The following ROCK1 variants were observed in gnomAD, a reference collection of about 807,000 sequenced individuals.
ROCK1 encodes rho-associated protein kinase 1.
ROCK1 carries 36 observed loss-of-function variants against 196.8 expected under a neutral mutation model. The ratio of observed to expected loss-of-function variants is 0.18; its 90% CI spans 0.14 to 0.24. The LOEUF (loss-of-function observed/expected upper bound fraction) is 0.24. Ranked by LOEUF, ROCK1 falls within the 10% of genes least tolerant of loss-of-function variation. The pLI, the probability that ROCK1 is intolerant of heterozygous loss-of-function variation, is 1.00. For missense variants in ROCK1, 920 were observed against 1,562.0 expected (o/e 0.59, Z 6.93); for synonymous variants, 443 against 515.9 (o/e 0.86, Z 1.91).
At chr18:20,966,777 G>C (rs2035377646) in intron 27 of ROCK1, 140 bp downstream of exon 27, 1 of 654,700 alleles carries the variant, frequency 1.5e-6, no homozygotes, top group Non-Finnish European at 2.6e-6. Flanking sequence ...ATCATCATCA[G>C]GCCTTGGCTA....
intron 9 of ROCK1, among the ~76,000 whole-genome samples, chr18:21,031,622 AAAAG>A (rs1189493150): frequency 5.3e-5 from 8 of 150,292 alleles, no homozygotes; most frequent in African/African-American, 1.5e-4. Context: ...AAAAAAAAAA[AAAAG>A]AAAATAATAT....
At chr18:21,006,227 T>C (rs2035767477) in intron 16 of ROCK1, 124 bp downstream of exon 16, 3 of 726,316 alleles carry the variant, frequency 4.1e-6, no homozygotes, top group African/African-American at 3.6e-5. Context: ...TCCACTTATA[T>C]GATGATGGTT....
intron 1 of ROCK1, among the ~76,000 whole-genome samples, chr18:21,072,184 A>G (rs1307442828): frequency 1.3e-5 from 2 of 152,208 alleles, no homozygotes; most frequent in Non-Finnish European, 2.9e-5. Context: ...GTATTTGATC[A>G]TGTGTTTGTT....
At chr18:21,109,824 T>C (rs1289013519) in intron 1 of ROCK1, among the ~76,000 whole-genome samples, 1 of 152,220 alleles carries the variant, frequency 6.6e-6, no homozygotes, top group Non-Finnish European at 1.5e-5. Context: ...TTGAATGGTA[T>C]TATTTTGTTT....
intron 9 of ROCK1, among the ~76,000 whole-genome samples, chr18:21,032,396 G>A (rs2036016249): frequency 6.7e-6 from 1 of 149,628 alleles, no homozygotes; most frequent in East Asian, 2.0e-4. Flanking sequence ...AGGAAAAGAA[G>A]AAGGAATCAA....
chr18:20,951,712 AG>A (rs1226085047), intron 32 of ROCK1, among the ~76,000 whole-genome samples: 2 of 152,166 alleles, frequency 1.3e-5, no homozygotes, highest in Non-Finnish European at 2.9e-5. Context: ...ATGGTGGCTG[AG>A]AAAGGAAAGG....
At chr18:21,050,901 G>A (rs528401868) in intron 2 of ROCK1, among the ~76,000 whole-genome samples, 5 of 152,244 alleles carry the variant, frequency 3.3e-5, no homozygotes, top group South Asian at 2.1e-4. Context: ...GTACAGCACT[G>A]GAGATAAATA....
chr18:21,010,040 T>A (rs2035803555), intron 13 of ROCK1, among the ~76,000 whole-genome samples: 1 of 152,208 alleles, frequency 6.6e-6, no homozygotes, highest in South Asian at 2.1e-4. Flanking sequence ...ATATGGTCTA[T>A]AGTATATGCC....
intron 10 of ROCK1, among the ~76,000 whole-genome samples, chr18:21,026,376 G>A (rs1344127353): frequency 1.9e-4 from 28 of 150,404 alleles, no homozygotes; most frequent in Non-Finnish European, 3.0e-4. Context: ...CCCAGGAAGC[G>A]GAGGTTGCAG....
intron 1 of ROCK1, among the ~76,000 whole-genome samples, chr18:21,106,955 T>G (rs2036708240): frequency 6.6e-6 from 1 of 152,234 alleles, no homozygotes; most frequent in African/African-American, 2.4e-5. Context: ...GAACTAGAAG[T>G]GTTTCAGACT....
intron 2 of ROCK1, among the ~76,000 whole-genome samples, chr18:21,052,012 A>G (rs1441662146): frequency 2.6e-5 from 4 of 152,202 alleles, no homozygotes; most frequent in African/African-American, 9.7e-5. Context: ...GATGAGAGAG[A>G]AAGTTCTGAA....
intron 13 of ROCK1, among the ~76,000 whole-genome samples, chr18:21,013,912 A>T (rs1344659791): frequency 6.6e-6 from 1 of 151,942 alleles, no homozygotes; most frequent in Non-Finnish European, 1.5e-5. Flanking sequence ...AAAATATATA[A>T]AAAATTAGCC....
At chr18:21,023,705 G>A (rs776975946) in intron 10 of ROCK1, 25 bp from the exon 11 acceptor site, 105 of 1,415,630 alleles carry the variant, frequency 7.4e-5, no homozygotes, top group Non-Finnish European at 8.6e-5. Context: ...AGTTTAAAAA[G>A]AAAAGAAAAC....
rs527346443 is a variant in ROCK1 at position 20,947,575 on chromosome 18, A to G, written c.*3809T>C. 2.3e-4 allele frequency: 35 copies of G among 152,178 alleles called. No individual in the cohort carries two copies. In the East Asian group the frequency reaches 6.6e-3, roughly 29 times the overall value. 9.4% of individuals were successfully genotyped at this position (152,178 alleles called of 1,614,324 possible). A position where few individuals can be genotyped will look rare whatever the true frequency, so the allele number is the denominator to read the frequency against. On this transcript the variant is annotated 3_prime_UTR_variant, in exon 33 of 33. Transcript: ENST00000399799. Reference sequence around the variant, plus strand: ...TGTCAGGCCAGGCACGGTGGCCTACACCTGTAATGAGAGAGTAAAACTGCT... The same window carrying G: ...TGTCAGGCCAGGCACGGTGGCCTACGCCTGTAATGAGAGAGTAAAACTGCT...
At chr18:20,985,400 C>T (rs1424306464) in intron 19 of ROCK1, among the ~76,000 whole-genome samples, 2 of 152,170 alleles carry the variant, frequency 1.3e-5, no homozygotes, top group Non-Finnish European at 2.9e-5. Context: ...CCTCACCTCA[C>T]ATTTCTTGTA....
At chr18:20,967,645 T>C in intron 26 of ROCK1, 107 bp downstream of exon 26, 5 of 888,132 alleles carry the variant, frequency 5.6e-6, no homozygotes, top group Non-Finnish European at 8.2e-6. Flanking sequence ...GGCAGAACCC[T>C]TGATTGTTCC....
intron 16 of ROCK1, among the ~76,000 whole-genome samples, chr18:20,994,244 GTGTT>G (rs1300280385): frequency 1.3e-5 from 2 of 152,182 alleles, no homozygotes; most frequent in African/African-American, 4.8e-5. Flanking sequence ...GAGTATATGT[GTGTT>G]TGTGTGGACA....
chr18:21,097,577 G>C (rs1268569491), intron 1 of ROCK1, among the ~76,000 whole-genome samples: 1 of 152,146 alleles, frequency 6.6e-6, no homozygotes, highest in Non-Finnish European at 1.5e-5. Flanking sequence ...TAGGTAACTT[G>C]TCCAAGATTA....
At position 20,979,472 on chromosome 18, in the gene ROCK1, A is replaced by C. The variant is rs148926222; in HGVS notation, c.2654+438T>G. 2.5e-3 allele frequency among the ~76,000 whole-genome samples: 381 copies of C among 152,086 alleles called. 2 individuals are homozygous for C. The highest frequency in any genetic ancestry group is 3.6e-3 in the Admixed American group (55 of 15,272). On this transcript the variant is annotated intron_variant, in intron 22 of 32. Coordinates refer to ENST00000399799, the MANE Select transcript of ROCK1 (RefSeq NM_005406.3). ...CCCTGTCTCTACTAAAAATACAAAA[A>C]TTAGCGGAGCGTGGTGGCGCACGCC...
Sources: gnomAD v4.1 joint callset for allele counts (sites outside exome capture counted in the v4.1 genomes callset) on GRCh38, gnomAD v4.1.1 for gene constraint, MANE v1.5 for transcripts, NCBI Gene and HGNC (gene_info 2026-07-23, HGNC 2026-07-21) for gene names.